The following MTCL1 variants were observed in gnomAD, a reference collection of about 807,000 sequenced individuals.
MTCL1 encodes microtubule crosslinking factor 1.
In MTCL1, 79 loss-of-function variants were observed where a neutral mutation model predicts 141.4. The observed-to-expected ratio is 0.56, with a 90% CI of 0.47 to 0.67. The LOEUF (loss-of-function observed/expected upper bound fraction) is 0.67. Among genes scored for constraint, MTCL1 ranks in the 30% least tolerant of loss-of-function variants. The probability of loss-of-function intolerance (pLI) is 0.00; values close to 1 mark genes in which losing one functional copy is unlikely to be tolerated. For missense variants in MTCL1, 2,177 were observed against 2,113.9 expected (o/e 1.03, Z -0.59); for synonymous variants, 914 against 875.8 (o/e 1.04, Z -0.77).
At chr18:8,803,912 G>C (rs924062216) in intron 10 of MTCL1, among the ~76,000 whole-genome samples, 1 of 152,156 alleles carries the variant, frequency 6.6e-6, no homozygotes, top group South Asian at 2.1e-4. Flanking sequence ...TGTGGTGTAT[G>C]GGCCAAGAAC....
At chr18:8,776,366 C>A (rs1191755913) in intron 4 of MTCL1, among the ~76,000 whole-genome samples, 1 of 152,240 alleles carries the variant, frequency 6.6e-6, no homozygotes, top group Admixed American at 6.5e-5. Flanking sequence ...CTCCTCATTT[C>A]TTTCTGCCTT....
At chr18:8,745,854 G>T (rs2096334085) in intron 4 of MTCL1, among the ~76,000 whole-genome samples, 1 of 152,136 alleles carries the variant, frequency 6.6e-6, no homozygotes, top group Admixed American at 6.5e-5. Flanking sequence ...TCATCTTGCA[G>T]AAGTGAAACT....
chr18:8,807,126 G>A, intron 11 of MTCL1, 66 bp downstream of exon 10: 1 of 1,488,862 alleles, frequency 6.7e-7, no homozygotes, highest in Non-Finnish European at 9.1e-7. Flanking sequence ...TATGTGGCGG[G>A]GGAGCGGGCA....
chr18:8,705,784 C>A lies in MTCL1; in HGVS notation c.124C>A (p.Pro42Thr). The change falls in exon 1 of 14, where the codon CCC (proline) becomes ACC (threonine). Residue 42 changes from proline (P) to threonine (T), a missense_variant. By Grantham distance (38) the Pro-to-Thr change is conservative. Coordinates refer to the MTCL1 transcript ENST00000306329. The surrounding 1 kb of genome is among the most constrained non-coding windows in gnomAD (Gnocchi z 5.2). Reference sequence around the variant, plus strand: ...CGAAAGGCGGCGGCTGCACCGTGCGCCCTCGCCCGCCAGACCCTTCCTCAA... The same window carrying A: ...CGAAAGGCGGCGGCTGCACCGTGCGACCTCGCCCGCCAGACCCTTCCTCAA... The A allele has an allele frequency of 8.4e-7, 1 of 1,196,836 alleles. No homozygotes were observed. The highest frequency in any genetic ancestry group is 1.0e-6 in the Non-Finnish European group (1 of 964,838). 74.1% of individuals were successfully genotyped at this position (1,196,836 alleles called of 1,614,324 possible).
At chr18:8,706,393 C>T in exon 1 of MTCL1, 4 of 1,229,350 alleles carry the variant, frequency 3.3e-6, no homozygotes, top group Non-Finnish European at 4.1e-6. Context: ...CGACCGTGAA[C>T]CCCCACGAGG....
exon 2 of MTCL1, chr18:8,717,914 T>G: frequency 1.0e-6 from 1 of 994,214 alleles, no homozygotes; most frequent in South Asian, 4.5e-5. Context: ...CGTCGCTTAG[T>G]CAATGCTGAG....
At chr18:8,750,290 C>T (rs1391679003) in intron 4 of MTCL1, among the ~76,000 whole-genome samples, 2 of 152,210 alleles carry the variant, frequency 1.3e-5, no homozygotes, top group Non-Finnish European at 2.9e-5. Context: ...AAGTGATCTG[C>T]CCGCCTCAGC....
intron 4 of MTCL1, among the ~76,000 whole-genome samples, chr18:8,764,629 C>A (rs1163704801): frequency 2.0e-5 from 3 of 152,098 alleles, no homozygotes; most frequent in Non-Finnish European, 2.9e-5. Flanking sequence ...CTGCCCCCGC[C>A]CCCCACTTTT....
chr18:8,830,239 G>A lies in MTCL1; in HGVS notation c.*18+1275G>A. ...CGCTGGTGGAGTTTTAACTGGAGAG[G>A]TATTTCTGGTTGTCACGGTACTGTT... On this transcript the variant is annotated intron_variant, in intron 16 of 16. Coordinates refer to ENST00000359865, the Ensembl canonical transcript of MTCL1. The surrounding 1 kb of genome is among the most constrained non-coding windows in gnomAD (Gnocchi z 6.4). 1 of 985,522 alleles carries A rather than the reference G, an allele frequency of 1.0e-6. No homozygotes were observed. Among genetic ancestry groups the A allele is most frequent in the Non-Finnish European group, 1.2e-6 (1 of 830,064 alleles). 61.0% of individuals were successfully genotyped at this position (985,522 alleles called of 1,614,324 possible).
intron 10 of MTCL1, 110 bp from the exon 10 acceptor site, chr18:8,806,783 A>C: frequency 2.7e-6 from 3 of 1,127,996 alleles, no homozygotes; most frequent in Non-Finnish European, 2.5e-6. Context: ...CACTGCCAAC[A>C]ACACCTGGGA....
chr18:8,731,702 C>T (rs1300982410), intron 4 of MTCL1, among the ~76,000 whole-genome samples: 3 of 141,516 alleles, frequency 2.1e-5, no homozygotes, highest in Non-Finnish European at 3.1e-5. Context: ...AACTACTGCT[C>T]TTCTCAAAAA....
chr18:8,796,172 T>C, intron 8 of MTCL1, 60 bp from the exon 8 acceptor site: 2 of 1,562,802 alleles, frequency 1.3e-6, no homozygotes, highest in Non-Finnish European at 1.8e-6. Context: ...ACTCTTGGTT[T>C]GGTTTGGGTG....
chr18:8,809,522 G>A (rs1180862752), intron 11 of MTCL1: 19 of 1,536,074 alleles, frequency 1.2e-5, no homozygotes, highest in Admixed American at 3.9e-5. Context: ...CTGGGTCCAC[G>A]GTAAAAACGT....
At chr18:8,710,231 T>A (rs759920462) in intron 1 of MTCL1, among the ~76,000 whole-genome samples, 41 of 152,276 alleles carry the variant, frequency 2.7e-4, no homozygotes, top group Non-Finnish European at 1.5e-4. Flanking sequence ...TCCCTGACTC[T>A]GCTTTCTGTT....
chr18:8,744,857 G>T (rs188363996), intron 4 of MTCL1, among the ~76,000 whole-genome samples: 57 of 152,240 alleles, frequency 3.7e-4, no homozygotes, highest in South Asian at 6.2e-4. Context: ...CCTCCATCCT[G>T]CCCTCCACCC....
intron 4 of MTCL1, among the ~76,000 whole-genome samples, chr18:8,774,518 T>C (rs900855574): frequency 1.1e-4 from 17 of 152,160 alleles, no homozygotes; most frequent in Non-Finnish European, 2.5e-4. Context: ...TCCTTCTCCT[T>C]ACTCTGTTGC....
rs1260736964 is a variant in MTCL1 at position 8,779,688 on chromosome 18, A to G, written c.417+1796A>G. ...TAATATACACTCTCCCATGGCTTCC[A>G]GGACAGTCTTTCTTTCAAACCCTGC... On this transcript the variant is annotated intron_variant, in intron 5 of 16. Coordinates refer to ENST00000359865, the Ensembl canonical transcript of MTCL1. This position sits in a 1 kb window ranked among gnomAD's most constrained non-coding sequence, Gnocchi z 4.1. Among the ~76,000 whole-genome samples, 1 of 152,052 alleles carries G rather than the reference A, an allele frequency of 6.6e-6. No homozygotes were observed. The highest frequency in any genetic ancestry group is 1.5e-5 in the Non-Finnish European group (1 of 68,008).
chr18:8,789,658 G>T lies in MTCL1; in HGVS notation c.1888-3340G>T, dbSNP rs114584509. On this transcript the variant is annotated intron_variant, in intron 7 of 16. Coordinates refer to ENST00000359865, the Ensembl canonical transcript of MTCL1. ...GCCTCGGAAACAAGTGAGGGTGGTG[G>T]TGGTTTAGATAAGCTGCTTTAATAG... is the stretch of plus-strand genomic sequence containing the variant. 2,605 of 985,374 alleles carry T rather than the reference G, an allele frequency of 2.6e-3. 57 individuals are homozygous for T. In the African/African-American group the frequency reaches 0.042, roughly 16 times the overall value. The allele number at this position is 985,374 out of a possible 1,614,324, so 61.0% of individuals were successfully genotyped here.
intron 4 of MTCL1, among the ~76,000 whole-genome samples, chr18:8,748,784 A>T (rs1468520445): frequency 6.6e-6 from 1 of 152,160 alleles, no homozygotes; most frequent in Non-Finnish European, 1.5e-5. Context: ...TTTCGGGATG[A>T]AGTCACTGGA....
Sources: gnomAD v4.1 joint callset for allele counts (sites outside exome capture counted in the v4.1 genomes callset) on GRCh38, gnomAD v4.1.1 for gene constraint, Gnocchi (gnomAD v3.1) non-coding constraint, MANE v1.5 for transcripts, NCBI Gene and HGNC (gene_info 2026-07-23, HGNC 2026-07-21) for gene names.